The following GIGYF2 variants were observed in gnomAD, a reference collection of about 807,000 sequenced individuals.
The protein encoded by GIGYF2 is GRB10 interacting GYF protein 2, also known as GRB10-interacting GYF protein 2.
GIGYF2 carries 25 observed loss-of-function variants against 208.1 expected under a neutral mutation model. The ratio of observed to expected loss-of-function variants is 0.12; its 90% confidence interval spans 0.09 to 0.17. GIGYF2 has a LOEUF of 0.17. Among genes scored for constraint, GIGYF2 ranks in the 10% least tolerant of loss-of-function variants. GIGYF2 has a pLI of 1.00. For missense variants in GIGYF2, 1,302 were observed against 1,579.4 expected (o/e 0.82, Z 2.98); for synonymous variants, 534 against 543.8 (o/e 0.98, Z 0.25).
At chr2:232,803,398 C>T (rs1486080395) in intron 14 of GIGYF2, among the ~76,000 whole-genome samples, 2 of 152,026 alleles carry the variant, frequency 1.3e-5, no homozygotes, top group Non-Finnish European at 2.9e-5. Context: ...TTAACAAGAA[C>T]ACTTTGCCTA....
At chr2:232,746,449 A>G (rs75936027) in intron 3 of GIGYF2, among the ~76,000 whole-genome samples, 2,735 of 152,212 alleles carry the variant, frequency 0.018, 89 homozygotes, top group African/African-American at 0.062. Flanking sequence ...TCCTTAGTCT[A>G]AACTAGAATT....
chr2:232,780,305 A>G (rs1267645887), intron 8 of GIGYF2, among the ~76,000 whole-genome samples: 1 of 152,218 alleles, frequency 6.6e-6, no homozygotes, highest in African/African-American at 2.4e-5. Flanking sequence ...TTTGGACTTA[A>G]TAAACTAAGA....
intron 2 of GIGYF2, among the ~76,000 whole-genome samples, chr2:232,716,370 ATTTGT>A (rs772082565): frequency 7.9e-5 from 8 of 101,790 alleles, no homozygotes; most frequent in Admixed American, 2.2e-4. Context: ...TAATGGTGTT[ATTTGT>A]TTTTTTTTTT....
chr2:232,831,175 C>T (rs6719061), intron 21 of GIGYF2, among the ~76,000 whole-genome samples: 99,313 of 151,996 alleles, frequency 0.65, 32,936 homozygotes, highest in African/African-American at 0.73. Flanking sequence ...GTTTCTCCAC[C>T]GTAAGTTACC....
At chr2:232,774,036 CT>C (rs1699398954) in intron 8 of GIGYF2, among the ~76,000 whole-genome samples, 1 of 150,678 alleles carries the variant, frequency 6.6e-6, no homozygotes, top group South Asian at 2.1e-4. Flanking sequence ...AACACTAGCA[CT>C]TTGGGACGTT....
In GIGYF2 at chr2:232,730,537, G is replaced by A. The variant is rs1489573939; in HGVS notation, c.-43-4618G>A. Among the ~76,000 whole-genome samples, 10 of 149,680 alleles carry A rather than the reference G, an allele frequency of 6.7e-5. No individual in the cohort carries two copies. The South Asian group carries it at 8.5e-4, about 13-fold the overall frequency. ...GGACAATCACTTGAACCTGGGAGAC[G>A]AAGGTTGCAGTGAGCCAAGATCATG... On this transcript the variant is annotated intron_variant, in intron 2 of 28. Coordinates refer to ENST00000373563, the MANE Select transcript of GIGYF2 (RefSeq NM_001103146.3).
intron 22 of GIGYF2, among the ~76,000 whole-genome samples, chr2:232,838,065 A>G (rs1252419711): frequency 2.6e-5 from 4 of 152,152 alleles, no homozygotes; most frequent in Admixed American, 6.5e-5. Flanking sequence ...GGTAAGTGTC[A>G]TGAGGCAATG....
chr2:232,841,562 G>A (rs757278089), intron 23 of GIGYF2, among the ~76,000 whole-genome samples: 13 of 150,280 alleles, frequency 8.7e-5, no homozygotes, highest in Non-Finnish European at 1.6e-4. Context: ...TGATCCACCC[G>A]CCTCGGCCTC....
intron 1 of GIGYF2, among the ~76,000 whole-genome samples, chr2:232,702,174 C>T (rs1254956775): frequency 6.6e-6 from 1 of 152,070 alleles, no homozygotes; most frequent in Non-Finnish European, 1.5e-5. Flanking sequence ...TGCAGTGGCT[C>T]ATGCCTGTAA....
chr2:232,720,081 C>G (rs1334007157), intron 2 of GIGYF2, among the ~76,000 whole-genome samples: 12 of 152,198 alleles, frequency 7.9e-5, no homozygotes, highest in Admixed American at 3.3e-4. Context: ...TCTCCTAATG[C>G]TATCCCTCCC....
chr2:232,736,310 T>TA lies in GIGYF2; in HGVS notation c.41+1079dup, dbSNP rs1300685710. 27 of 435,494 alleles carry TA rather than the reference T, an allele frequency of 6.2e-5. No individual in the cohort carries two copies. In the East Asian group the frequency reaches 1.4e-3, roughly 22 times the overall value. The allele number at this position is 435,494 out of a possible 1,614,324, so 27.0% of individuals were successfully genotyped here. ...TCTTAGTATCAAATTAATATGTTTC[T>TA]AAAAAAATTAGAAATAACTAGTAAG... On this transcript the variant is annotated intron_variant, in intron 3 of 28. Transcript: ENST00000373563.
At chr2:232,749,281 C>T (rs965072985) in intron 5 of GIGYF2, among the ~76,000 whole-genome samples, 199 bp downstream of exon 5, 4 of 152,080 alleles carry the variant, frequency 2.6e-5, no homozygotes, top group Non-Finnish European at 4.4e-5. Flanking sequence ...TATTTGGAAA[C>T]GTTTGTAGAT....
At chr2:232,782,426 T>C (rs1297345208) in intron 8 of GIGYF2, among the ~76,000 whole-genome samples, 1 of 152,224 alleles carries the variant, frequency 6.6e-6, no homozygotes, top group African/African-American at 2.4e-5. Context: ...TACTGTGACC[T>C]GGCAGTTTTG....
At chr2:232,789,600 C>T (rs1183288597) in intron 9 of GIGYF2, among the ~76,000 whole-genome samples, 2 of 151,966 alleles carry the variant, frequency 1.3e-5, no homozygotes, top group East Asian at 1.9e-4. Context: ...TCAGATGCTA[C>T]CTGTATTTGG....
chr2:232,806,653 A>G lies in GIGYF2; in HGVS notation c.1802A>G (p.His601Arg). 1.2e-6 allele frequency: 2 copies of G among 1,607,724 alleles called. 1 individual carries two copies. The highest frequency in any genetic ancestry group is 2.2e-5 in the South Asian group (2 of 90,950). Reference protein sequence around the residue: ...PFSPGPAPPPHMGELDQERLT... With the variant: ...PFSPGPAPPPRMGELDQERLT... Reference sequence around the variant, plus strand: ...TCTCCAGGTCCAGCTCCCCCTCCTCATATGGTAAGTACCTTTCACCTCACC... The same window carrying G: ...TCTCCAGGTCCAGCTCCCCCTCCTCGTATGGTAAGTACCTTTCACCTCACC... Residue 601 changes from histidine (H) to arginine (R), a missense_variant, in exon 15 of 29, where the codon CAT becomes CGT. Physicochemically the swap from His to Arg is conservative, Grantham distance 29. Around this residue, in one of 8 missense-constraint regions of GIGYF2, gnomAD observed 701 missense variants for 793.0 expected, o/e 0.88. Coordinates refer to ENST00000373563, the MANE Select transcript of GIGYF2 (RefSeq NM_001103146.3). The surrounding 1 kb of genome is among the most constrained non-coding windows in gnomAD (Gnocchi z 4.0).
At chr2:232,817,141 G>A (rs1270499548) in intron 20 of GIGYF2, 109 bp downstream of exon 20, 3 of 873,172 alleles carry the variant, frequency 3.4e-6, no homozygotes, top group Non-Finnish European at 5.9e-6. Context: ...ATTGGGGTTA[G>A]AACCTTAGAA....
chr2:232,784,386 CTTTTTTTTTTT>C (rs10645449), intron 8 of GIGYF2, among the ~76,000 whole-genome samples: 4 of 92,312 alleles, frequency 4.3e-5, no homozygotes, highest in Non-Finnish European at 6.1e-5. Context: ...GAAATAATTT[CTTTTTTTTTTT>C]TTTTTTTTTT....
intron 21 of GIGYF2, among the ~76,000 whole-genome samples, chr2:232,822,245 C>CAATG (rs1218388684): frequency 6.6e-5 from 10 of 152,168 alleles, no homozygotes; most frequent in Non-Finnish European, 1.2e-4. Context: ...GGCTTCCAGG[C>CAATG]AATGAACATG....
chr2:232,751,492 C>T (rs1252756309), intron 5 of GIGYF2, among the ~76,000 whole-genome samples: 1 of 152,166 alleles, frequency 6.6e-6, no homozygotes, highest in Non-Finnish European at 1.5e-5. Flanking sequence ...TCTGGGATTA[C>T]AGGCGTGAAC....
Sources: gnomAD v4.1 joint callset for allele counts (sites outside exome capture counted in the v4.1 genomes callset) on GRCh38, gnomAD v4.1.1 for gene constraint, gnomAD v4.1.1 regional missense constraint, Gnocchi (gnomAD v3.1) non-coding constraint, MANE v1.5 for transcripts, NCBI Gene and HGNC (gene_info 2026-07-23, HGNC 2026-07-21) for gene names.